The following CLCN3 variants were observed in gnomAD, a reference collection of about 807,000 sequenced individuals.
The protein encoded by CLCN3 is H(+)/Cl(-) exchange transporter 3.
In CLCN3, 16 loss-of-function variants were observed where a neutral mutation model predicts 83.4. The observed-to-expected ratio is 0.19, with a 90% CI of 0.13 to 0.29. CLCN3 has a LOEUF of 0.29. Ranked by LOEUF, CLCN3 falls within the 10% of genes least tolerant of loss-of-function variation. CLCN3 has a pLI of 1.00. For missense variants in CLCN3, 544 were observed against 1,006.0 expected (o/e 0.54, Z 6.21); for synonymous variants, 322 against 346.2 (o/e 0.93, Z 0.78).
At chr4:169,652,245 C>G (rs1450299331) in intron 2 of CLCN3, among the ~76,000 whole-genome samples, 4 of 152,090 alleles carry the variant, frequency 2.6e-5, no homozygotes, top group Non-Finnish European at 5.9e-5. Context: ...TGTCTAATCA[C>G]TTTCTTGCTT....
chr4:169,680,091 T>G lies in CLCN3; in HGVS notation c.202T>G (p.Ser68Ala), dbSNP rs745483415. Residue 68 changes from serine to alanine, a missense_variant, in exon 3 of 13, where the codon TCT becomes GCT. Around this residue, in one of 6 missense-constraint regions of CLCN3, gnomAD observed 77 missense variants for 92.8 expected, o/e 0.83. Transcript: ENST00000513761. ...TMTNGGSINS[S>A]THLLDLLDEP... ...GACAAATGGAGGCAGCATTAACAGT[T>G]CTACACATTTACTGGATCTTTTGGA... 7 of 1,612,348 alleles carry G rather than the reference T, an allele frequency of 4.3e-6. No homozygotes were observed. In the Admixed American group the frequency reaches 1.2e-4, roughly 27 times the overall value.
intron 2 of CLCN3, among the ~76,000 whole-genome samples, chr4:169,638,461 A>G (rs1478550641): frequency 6.7e-6 from 1 of 149,998 alleles, no homozygotes; most frequent in African/African-American, 2.5e-5. Context: ...TTTTGCTGTT[A>G]TTTGTCATTT....
rs184425782 is a variant in CLCN3 at position 169,696,273 on chromosome 4, C to T, written c.1017+581C>T. ...CCTATGTTGTGTTTTAAAGTTTTTCCCATGTGATTATTTCTGATACAGTTA... is the reference window on the plus strand; with the variant it reads ...CCTATGTTGTGTTTTAAAGTTTTTCTCATGTGATTATTTCTGATACAGTTA... On this transcript the variant is annotated intron_variant, in intron 8 of 12. Transcript: ENST00000513761. Among the ~76,000 whole-genome samples the T allele has an allele frequency of 1.1e-3, 162 of 152,050 alleles. 2 individuals are homozygous for T. The highest frequency in any genetic ancestry group is 3.8e-3 in the African/African-American group (158 of 41,494).
At chr4:169,675,974 T>C (rs912950652) in intron 2 of CLCN3, among the ~76,000 whole-genome samples, 11 of 152,206 alleles carry the variant, frequency 7.2e-5, no homozygotes, top group Non-Finnish European at 1.5e-4. Flanking sequence ...TATACATATA[T>C]GTATACCTGT....
intron 1 of CLCN3, among the ~76,000 whole-genome samples, chr4:169,628,254 T>C (rs1390314957): frequency 6.6e-6 from 1 of 152,206 alleles, no homozygotes; most frequent in Non-Finnish European, 1.5e-5. Context: ...GTTAGGCATA[T>C]GTTTCTTTGA....
At position 169,697,754 on chromosome 4, in the gene CLCN3, G is replaced by C. The variant is rs1442512254; in HGVS notation, c.1563+20G>C. The stretch of plus-strand genomic sequence containing the variant: ...ATCAAGGTAAGTGCTAATGTGAGGT[G>C]ATATTTGGGTAATTTTGGCATGTTC... On this transcript the variant is annotated intron_variant, in intron 9 of 12. Transcript: ENST00000513761. The C allele has an allele frequency of 6.5e-7, 1 of 1,539,102 alleles. No homozygotes were observed. Among genetic ancestry groups the C allele is most frequent in the Non-Finnish European group, 8.8e-7 (1 of 1,134,094 alleles).
At chr4:169,670,619 A>C (rs1731422621) in intron 2 of CLCN3, among the ~76,000 whole-genome samples, 3 of 152,176 alleles carry the variant, frequency 2.0e-5, no homozygotes, top group Non-Finnish European at 4.4e-5. Flanking sequence ...GTTCCATATG[A>C]AATTTAAAGT....
chr4:169,707,170 A>C lies in CLCN3; in HGVS notation c.2053A>C (p.Asn685His), dbSNP rs746462649. 3 of 1,614,006 alleles carry C rather than the reference A, an allele frequency of 1.9e-6. No homozygotes were observed. Among genetic ancestry groups the C allele is most frequent in the Non-Finnish European group, 2.5e-6 (3 of 1,179,866 alleles). ...AGTGGATGATATAGAAAACATGATTAATGAAACCAGCTACAATGGATTTCC... is the reference window on the plus strand; with the variant it reads ...AGTGGATGATATAGAAAACATGATTCATGAAACCAGCTACAATGGATTTCC... ...MTVDDIENMI[N>H]ETSYNGFPVI... Residue 685 changes from asparagine (N) to histidine (H), a missense_variant, in exon 11 of 13, where the codon AAT becomes CAT. Around this residue, in one of 6 missense-constraint regions of CLCN3, gnomAD observed 142 missense variants for 225.0 expected, o/e 0.63. Coordinates refer to ENST00000513761, the MANE Select transcript of CLCN3 (RefSeq NM_001829.4).
At chr4:169,682,064 T>C (rs1282335559) in intron 3 of CLCN3, among the ~76,000 whole-genome samples, 2 of 152,250 alleles carry the variant, frequency 1.3e-5, no homozygotes, top group Non-Finnish European at 2.9e-5. Flanking sequence ...AGATTAGTTG[T>C]AATGTGTACT....
rs535022367 is a variant in CLCN3 at position 169,697,598 on chromosome 4, A to G, written c.1427A>G (p.Asn476Ser). 1.9e-6 allele frequency: 3 copies of G among 1,614,204 alleles called. No homozygotes were observed. Among genetic ancestry groups the G allele is most frequent in the Admixed American group, 3.3e-5 (2 of 60,026 alleles). ...TCCTCTTCTCTTTGTGACTACAGAA[A>G]TGACATGAATGCCAGTAAAATTGTC... is the stretch of plus-strand genomic sequence containing the variant. ...LESSSLCDYRNDMNASKIVDD... is the reference protein window; with the variant it reads ...LESSSLCDYRSDMNASKIVDD... The change falls in exon 9 of 13, where the codon AAT (asparagine) becomes AGT (serine). Residue 476 changes from asparagine to serine, a missense_variant. Coordinates refer to ENST00000513761, the MANE Select transcript of CLCN3 (RefSeq NM_001829.4).
At chr4:169,711,216 G>T (rs1176672648) in intron 11 of CLCN3, among the ~76,000 whole-genome samples, 1 of 152,106 alleles carries the variant, frequency 6.6e-6, no homozygotes, top group Non-Finnish European at 1.5e-5. Flanking sequence ...ATCCATTAAT[G>T]ATACTTCTGG....
rs1465317171 is a variant in CLCN3 at position 169,689,142 on chromosome 4, G to A, written c.518G>A (p.Cys173Tyr). 1 of 1,613,940 alleles carries A rather than the reference G, an allele frequency of 6.2e-7. No individual in the cohort carries two copies. Among genetic ancestry groups the A allele is most frequent in the Non-Finnish European group, 8.5e-7 (1 of 1,179,922 alleles). The change falls in exon 5 of 13, where the codon TGT becomes TAT. Residue 173 changes from cysteine (C) to tyrosine (Y), a missense_variant. This residue lies in a region of CLCN3 where 96 missense variants were observed against 202.1 expected (regional missense o/e 0.48). Transcript: ENST00000513761. Reference protein sequence around the residue: ...SALWYNHEQCCWGSNETTFEE... With the variant: ...SALWYNHEQCYWGSNETTFEE... Reference sequence around the variant, plus strand: ...TTGTGGTACAACCACGAACAGTGCTGTTGGGGATCTAATGAAACAACATTT... The same window carrying A: ...TTGTGGTACAACCACGAACAGTGCTATTGGGGATCTAATGAAACAACATTT...
At position 169,664,887 on chromosome 4, in the gene CLCN3, C is replaced by T. The variant is rs185252287; in HGVS notation, c.161-15163C>T. 1.6e-4 allele frequency among the ~76,000 whole-genome samples: 24 copies of T among 152,266 alleles called. 1 individual carries two copies. The highest frequency in any genetic ancestry group is 1.5e-3 in the East Asian group (8 of 5,188). ...GTAATTTTGGCTATTTTCCCAGCAT[C>T]GAGGTTTCTGCTTTGCGTTTATGCA... On this transcript the variant is annotated intron_variant, in intron 2 of 12. Transcript: ENST00000513761.
intron 2 of CLCN3, among the ~76,000 whole-genome samples, chr4:169,679,416 C>T (rs772156581): frequency 6.6e-6 from 1 of 150,604 alleles, no homozygotes. Context: ...ACTGGGCGGC[C>T]GGGCAGAGGG....
chr4:169,635,885 T>G, intron 1 of CLCN3, 28 bp from the exon 2 acceptor site: 1 of 1,493,116 alleles, frequency 6.7e-7, no homozygotes, highest in Non-Finnish European at 9.0e-7. Context: ...GTTTGAAAAA[T>G]GTTAAAACTA....
intron 12 of CLCN3, among the ~76,000 whole-genome samples, chr4:169,718,133 G>T (rs770016695): frequency 6.6e-5 from 10 of 152,102 alleles, no homozygotes; most frequent in Admixed American, 1.3e-4. Context: ...TTTGGTAGTG[G>T]AATAAGTGAA....
chr4:169,687,819 CCTT>C (rs1732221651), intron 4 of CLCN3, 62 bp downstream of exon 4: 1 of 841,096 alleles, frequency 1.2e-6, no homozygotes, highest in Non-Finnish European at 1.8e-6. Flanking sequence ...GTTCTTCCCT[CCTT>C]CCCTCAATTT....
At chr4:169,644,703 G>T (rs950467376) in intron 2 of CLCN3, among the ~76,000 whole-genome samples, 2 of 152,046 alleles carry the variant, frequency 1.3e-5, no homozygotes, top group Non-Finnish European at 2.9e-5. Context: ...CCCCACACCC[G>T]AATTCCCAAA....
chr4:169,645,923 A>T (rs1201580666), intron 2 of CLCN3, among the ~76,000 whole-genome samples: 2 of 151,986 alleles, frequency 1.3e-5, no homozygotes. Context: ...CCTCCTCCTA[A>T]ATTGAGCAAC....
Sources: allele counts gnomAD v4.1 joint callset (sites outside exome capture counted in the v4.1 genomes callset), GRCh38; gene constraint gnomAD v4.1.1; regional missense constraint gnomAD v4.1.1; transcripts MANE v1.5; gene names NCBI Gene and HGNC (gene_info 2026-07-23, HGNC 2026-07-21).